OR7E24: variants seen among roughly 807,000 people sequenced by gnomAD.
OR7E24 encodes olfactory receptor 7E24.
For missense variants in OR7E24, 385 were observed against 410.3 expected (o/e 0.94, Z 0.53); for synonymous variants, 130 against 157.5 (o/e 0.83, Z 1.31).
chr19:9,212,955 A>G, the OR7E24 span: 2 of 152,156 alleles, frequency 1.3e-5, no homozygotes, highest in African/African-American at 4.8e-5. Context: ...GTAGGATGGC[A>G]AAGTTAGAAG....
the OR7E24 span, chr19:9,235,394 A>G: frequency 2.2e-5 from 35 of 1,582,404 alleles, no homozygotes; most frequent in Admixed American, 3.0e-4. Flanking sequence ...ATGCTAGTGA[A>G]CATCCAGGCA....
chr19:9,211,660 T>A, the OR7E24 span: 1 of 151,000 alleles, frequency 6.6e-6, no homozygotes, highest in East Asian at 2.0e-4. Flanking sequence ...CTGGCCAGCA[T>A]GGTGAAACCC....
Position 9,252,255 on chromosome 19 carries a change from T to C in OR7E24, c.*192T>C. ...TCATACACATCATGAATGATTCCAA[T>C]ATACCTAGACAGCCTCCTTTAGTAT... On this transcript the variant is annotated 3_prime_UTR_variant, in exon 1 of 1. Transcript: ENST00000456448. The C allele has an allele frequency of 1.9e-6, 1 of 536,670 alleles. No homozygotes were observed. The highest frequency in any genetic ancestry group is 3.3e-6 in the Non-Finnish European group (1 of 301,156). The allele number at this position is 536,670 out of a possible 1,614,324, so 33.2% of individuals were successfully genotyped here. A position where few individuals can be genotyped will look rare whatever the true frequency, so the allele number is the denominator to read the frequency against.
chr19:9,230,127 C>T, the OR7E24 span, among the ~76,000 whole-genome samples: 1 of 151,868 alleles, frequency 6.6e-6, no homozygotes, highest in Non-Finnish European at 1.5e-5. Flanking sequence ...TCAGCACAAC[C>T]TCCGCCTCTT....
chr19:9,237,342 G>C, the OR7E24 span, among the ~76,000 whole-genome samples: 4 of 150,830 alleles, frequency 2.7e-5, no homozygotes, highest in Admixed American at 6.6e-5. Context: ...ACGGAGTCTC[G>C]CTCTGTCCCC....
chr19:9,211,475 A>C, the OR7E24 span: 1 of 152,246 alleles, frequency 6.6e-6, no homozygotes, highest in Admixed American at 6.5e-5. Context: ...CAATGCATAA[A>C]ATCTCAAATT....
At chr19:9,244,402 T>C (rs921854067), upstream of OR7E24, among the ~76,000 whole-genome samples, 17 of 152,232 alleles carry the variant, frequency 1.1e-4, no homozygotes, top group African/African-American at 3.9e-4. Context: ...CTCTCACTTA[T>C]ATGGTCACAT....
the OR7E24 span, chr19:9,209,287 A>G: frequency 1.3e-5 from 2 of 152,216 alleles, no homozygotes; most frequent in African/African-American, 2.4e-5. Context: ...TCTGAACCCC[A>G]TGTTCCTCAG....
upstream of OR7E24, among the ~76,000 whole-genome samples, chr19:9,246,466 T>TTGTG (rs34518365): frequency 0.09 from 11,766 of 130,796 alleles, 540 homozygotes; most frequent in Middle Eastern, 0.14. Flanking sequence ...CTTAAAGGTA[T>TTGTG]TGTGTGTGTG....
the OR7E24 span, among the ~76,000 whole-genome samples, chr19:9,229,514 G>A: frequency 4.0e-5 from 6 of 149,416 alleles, no homozygotes; most frequent in South Asian, 2.1e-4. Context: ...CAGCCTGGGC[G>A]ACAGAGCAAG....
the OR7E24 span, among the ~76,000 whole-genome samples, chr19:9,227,682 T>A: frequency 7.9e-5 from 12 of 152,036 alleles, no homozygotes; most frequent in Non-Finnish European, 1.5e-4. Context: ...TGTGTCTTTA[T>A]ATACTAATGA....
the OR7E24 span, chr19:9,235,550 T>G: frequency 6.4e-6 from 10 of 1,554,200 alleles, no homozygotes; most frequent in South Asian, 1.0e-4. Flanking sequence ...ATGGTCATCA[T>G]AAACCCCCAT....
Position 9,251,787 on chromosome 19 carries a change from A to C in OR7E24, c.744A>C (p.Thr248=), listed in dbSNP as rs2066149707. The C allele has an allele frequency of 2.5e-6, 4 of 1,612,624 alleles. No individual in the cohort carries two copies. Among genetic ancestry groups the C allele is most frequent in the African/African-American group, 1.3e-5 (1 of 74,884 alleles). Residue 248 remains threonine, a synonymous_variant, in exon 1 of 1, where the codon ACA becomes ACC. Coordinates refer to ENST00000456448, the MANE Select transcript of OR7E24 (RefSeq NM_001079935.2). The part of the protein sequence containing the change: ...KIVSPILRVP[T]SDGKYKAFST... ...TTTCCCCCATTCTGAGAGTTCCAAC[A>C]TCAGATGGGAAGTATAAAGCCTTCT... is the stretch of plus-strand genomic sequence containing the variant.
chr19:9,230,998 G>A, the OR7E24 span, among the ~76,000 whole-genome samples: 27 of 152,110 alleles, frequency 1.8e-4, no homozygotes, highest in Middle Eastern at 3.4e-3. Flanking sequence ...AGCAACCTCC[G>A]CCTCCGCCTT....
the OR7E24 span, among the ~76,000 whole-genome samples, chr19:9,221,346 T>C: frequency 7.6e-5 from 6 of 78,810 alleles, no homozygotes; most frequent in African/African-American, 3.5e-4. Flanking sequence ...TGCCCTTTTT[T>C]TTTTTTTTTT....
At chr19:9,237,420 C>T in the OR7E24 span, among the ~76,000 whole-genome samples, 858 of 152,246 alleles carry the variant, frequency 5.6e-3, 6 homozygotes, top group Middle Eastern at 0.014. Flanking sequence ...ATGCCATTCT[C>T]TTGCCTCAGC....
the OR7E24 span, among the ~76,000 whole-genome samples, chr19:9,232,430 C>T: frequency 6.7e-6 from 1 of 149,138 alleles, no homozygotes; most frequent in Non-Finnish European, 1.5e-5. Context: ...CCCAGCTATT[C>T]AGGAGGCTGA....
the OR7E24 span, among the ~76,000 whole-genome samples, chr19:9,222,570 T>G: frequency 2.0e-5 from 3 of 152,196 alleles, no homozygotes; most frequent in African/African-American, 7.2e-5. Context: ...CAATTATAAA[T>G]AGGATTATTT....
At chr19:9,225,287 T>C in the OR7E24 span, among the ~76,000 whole-genome samples, 22 of 151,788 alleles carry the variant, frequency 1.4e-4, no homozygotes, top group African/African-American at 4.1e-4. Flanking sequence ...AGAGAACTGC[T>C]TGAACCTGGG....
Sources: allele counts gnomAD v4.1 joint callset (sites outside exome capture counted in the v4.1 genomes callset), GRCh38; gene constraint gnomAD v4.1.1; transcripts MANE v1.5; gene names NCBI Gene and HGNC (gene_info 2026-07-23, HGNC 2026-07-21).